The following KCTD9 variants were observed in gnomAD, a reference collection of about 807,000 sequenced individuals.
KCTD9 encodes the protein potassium channel tetramerization domain containing 9.
KCTD9 carries 17 observed loss-of-function variants against 53.3 expected under a neutral mutation model. The ratio of observed to expected loss-of-function variants is 0.32; its 90% confidence interval spans 0.22 to 0.48. The LOEUF is 0.48. KCTD9 is among the 20% of genes least tolerant of loss of function. KCTD9 has a pLI of 0.99. For synonymous variants in KCTD9, 128 were observed against 162.7 expected, an observed-to-expected ratio of 0.79 and a Z score of 1.62; for missense variants, 179 against 465.5, an observed-to-expected ratio of 0.38 and a Z score of 5.66.
Position 25,428,956 on chromosome 8 carries a change from G to T in KCTD9, c.*901C>A, listed in dbSNP as rs1195641019. The T allele has an allele frequency of 1.3e-5, 2 of 152,168 alleles. No homozygotes were observed. The highest frequency in any genetic ancestry group is 4.8e-5 in the African/African-American group (2 of 41,446). 9.4% of individuals were successfully genotyped at this position (152,168 alleles called of 1,614,324 possible). ...AAACTATTTGGTATTTGAATTAAAT[G>T]AATATTAATGATGCACCTTGGTTTT... On this transcript the variant is annotated 3_prime_UTR_variant, in exon 12 of 12. Coordinates refer to ENST00000221200, the MANE Select transcript of KCTD9 (RefSeq NM_017634.4).
At chr8:25,434,426 G>C (rs376953505) in intron 9 of KCTD9, among the ~76,000 whole-genome samples, 12 of 143,646 alleles carry the variant, frequency 8.4e-5, no homozygotes, top group African/African-American at 3.2e-4. Context: ...ATCTCAAAGC[G>C]TTTTTGACAA....
intron 1 of KCTD9, among the ~76,000 whole-genome samples, chr8:25,454,873 T>C (rs1409472654): frequency 6.6e-6 from 1 of 152,218 alleles, no homozygotes; most frequent in African/African-American, 2.4e-5. Flanking sequence ...CCACTAAGAA[T>C]CTCCTAAATA....
intron 9 of KCTD9, among the ~76,000 whole-genome samples, chr8:25,434,692 G>A (rs1801988227): frequency 6.6e-6 from 1 of 152,088 alleles, no homozygotes; most frequent in African/African-American, 2.4e-5. Flanking sequence ...CCAAATTAGA[G>A]TAATTCAATA....
chr8:25,445,400 A>C (rs912357412), intron 2 of KCTD9, among the ~76,000 whole-genome samples: 1 of 152,162 alleles, frequency 6.6e-6, no homozygotes, highest in Admixed American at 6.5e-5. Flanking sequence ...GAGACTTTGT[A>C]TATCATTATA....
chr8:25,429,382 T>C lies in KCTD9; in HGVS notation c.*475A>G, dbSNP rs1476793146. 6.5e-6 allele frequency: 1 copy of C among 154,908 alleles called. No individual in the cohort carries two copies. The highest frequency in any genetic ancestry group is 2.4e-5 in the African/African-American group (1 of 41,484). The allele number at this position is 154,908 out of a possible 1,614,324, so 9.6% of individuals were successfully genotyped here. A position where few individuals can be genotyped will look rare whatever the true frequency, so the allele number is the denominator to read the frequency against. On this transcript the variant is annotated 3_prime_UTR_variant, in exon 12 of 12. Coordinates refer to ENST00000221200, the MANE Select transcript of KCTD9 (RefSeq NM_017634.4). ...GGGGAGGCATCACTAAAGCTATTTA[T>C]AAACCTGAACAACCTTTTCCAAGTT...
In KCTD9 at chr8:25,448,116, C is replaced by T. The variant is rs140107334; in HGVS notation, c.49-1866G>A. 4.6e-3 allele frequency among the ~76,000 whole-genome samples: 639 copies of T among 138,052 alleles called. 3 individuals are homozygous for T. Among genetic ancestry groups the T allele is most frequent in the African/African-American group, 0.016 (599 of 36,906 alleles). The allele number at this position is 138,052 out of a possible 152,430, so 90.6% of individuals were successfully genotyped here. A position where few individuals can be genotyped will look rare whatever the true frequency, so the allele number is the denominator to read the frequency against. On this transcript the variant is annotated intron_variant, in intron 1 of 11. Transcript: ENST00000221200. ...GCACTCCAGCCTGGACATGATGGGA[C>T]GGAAAAGAAAAAAGGAAAGGAAAAA...
At chr8:25,446,333 T>G (rs1802213556) in intron 1 of KCTD9, 83 bp from the exon 2 acceptor site, 1 of 1,423,112 alleles carries the variant, frequency 7.0e-7, no homozygotes, top group African/African-American at 1.4e-5. Context: ...ACTAGAACAG[T>G]GCTAAAAAGA....
chr8:25,437,662 A>G (rs534203262), intron 6 of KCTD9, among the ~76,000 whole-genome samples: 19 of 152,024 alleles, frequency 1.2e-4, no homozygotes, highest in Non-Finnish European at 1.9e-4. Flanking sequence ...TGGGTGACAC[A>G]GCAAGACTCC....
rs1326564086 is a variant in KCTD9, at chr8:25,444,341, G to A, written c.171-6C>T. On this transcript the variant is annotated splice_region_variant and splice_polypyrimidine_tract_variant and intron_variant, in intron 2 of 11. Transcript: ENST00000221200. The stretch of plus-strand genomic sequence containing the variant: ...CAAACAAAACATCATCATCCCTGGG[G>A]AAATCAAAATTTAAAAAGCTACCAT... The A allele has an allele frequency of 1.2e-6, 2 of 1,605,380 alleles. No homozygotes were observed. Among genetic ancestry groups the A allele is most frequent in the Non-Finnish European group, 1.7e-6 (2 of 1,177,110 alleles).
In KCTD9 at chr8:25,445,562, C is replaced by T. The variant is rs537211400; in HGVS notation, c.170+567G>A. ...TACCATCTTCTTTGTTAAGCATCTT[C>T]CTGCTCCAAAATTCTCTGACCTCAT... is the stretch of plus-strand genomic sequence containing the variant. On this transcript the variant is annotated intron_variant, in intron 2 of 11. Transcript: ENST00000221200. Among the ~76,000 whole-genome samples, 265 of 152,230 alleles carry T rather than the reference C, an allele frequency of 1.7e-3. 1 individual carries two copies. The highest frequency in any genetic ancestry group is 6.8e-3 in the Middle Eastern group (2 of 294).
At chr8:25,438,306 T>G (rs1227183877) in intron 6 of KCTD9, among the ~76,000 whole-genome samples, 54 of 62,570 alleles carry the variant, frequency 8.6e-4, no homozygotes, top group African/African-American at 2.9e-3. Context: ...AATAATATCT[T>G]TTTTTTTTTT....
intron 3 of KCTD9, 111 bp downstream of exon 3, chr8:25,444,181 G>A (rs1029422816): frequency 1.1e-6 from 1 of 877,852 alleles, no homozygotes; most frequent in East Asian, 2.6e-5. Flanking sequence ...TTTGAATACA[G>A]CCATAAGATC....
At chr8:25,451,024 T>A (rs1369870559) in intron 1 of KCTD9, among the ~76,000 whole-genome samples, 1 of 152,196 alleles carries the variant, frequency 6.6e-6, no homozygotes, top group Non-Finnish European at 1.5e-5. Context: ...ATACGAAGAA[T>A]CTTATAGTTC....
At chr8:25,440,406 GAGTGA>G (rs1802100090) in intron 4 of KCTD9, 166 bp downstream of exon 4, 1 of 571,970 alleles carries the variant, frequency 1.7e-6, no homozygotes, top group Non-Finnish European at 3.1e-6. Context: ...GCTTTCTCTG[GAGTGA>G]ACCATGTTTT....
intron 6 of KCTD9, among the ~76,000 whole-genome samples, chr8:25,436,872 G>A (rs1802027086): frequency 6.6e-6 from 1 of 152,190 alleles, no homozygotes; most frequent in Non-Finnish European, 1.5e-5. Flanking sequence ...ATCAGAATGT[G>A]TGGGAATACA....
intron 6 of KCTD9, 130 bp downstream of exon 6, chr8:25,439,148 TA>T: frequency 1.3e-6 from 1 of 751,726 alleles, no homozygotes; most frequent in Non-Finnish European, 2.0e-6. Context: ...ACATCTAGTT[TA>T]AAAAATAGAA....
chr8:25,440,554 AACAC>A lies in KCTD9; in HGVS notation c.311+19_311+22del. 2 of 1,470,708 alleles carry A rather than the reference AACAC, an allele frequency of 1.4e-6. No individual in the cohort carries two copies. Among genetic ancestry groups the A allele is most frequent in the Non-Finnish European group, 1.9e-6 (2 of 1,050,398 alleles). The allele number at this position is 1,470,708 out of a possible 1,614,324, so 91.1% of individuals were successfully genotyped here. A position where few individuals can be genotyped will look rare whatever the true frequency, so the allele number is the denominator to read the frequency against. On this transcript the variant is annotated intron_variant, in intron 4 of 11. Coordinates refer to ENST00000221200, the MANE Select transcript of KCTD9 (RefSeq NM_017634.4). ...AGTGCTTCTTTTGCATTCTCTTTCT[AACAC>A]ACATACACACACACCTACCGTGTAG...
At chr8:25,444,619 A>T (rs749672612) in intron 2 of KCTD9, among the ~76,000 whole-genome samples, 21 of 152,324 alleles carry the variant, frequency 1.4e-4, no homozygotes, top group African/African-American at 2.2e-4. Flanking sequence ...TTATCAATTG[A>T]GAATGAATAA....
intron 1 of KCTD9, among the ~76,000 whole-genome samples, chr8:25,457,905 C>CA (rs1802495545): frequency 6.6e-6 from 1 of 151,500 alleles, no homozygotes; most frequent in Admixed American, 6.6e-5. Flanking sequence ...CGGCCCTCCC[C>CA]GCGCCCCCGT....
Sources: gnomAD v4.1 joint callset for allele counts (sites outside exome capture counted in the v4.1 genomes callset) on GRCh38, gnomAD v4.1.1 for gene constraint, MANE v1.5 for transcripts, NCBI Gene and HGNC (gene_info 2026-07-23, HGNC 2026-07-21) for gene names.